The following LDB2 variants were observed in gnomAD, a reference collection of about 807,000 sequenced individuals.
LDB2 encodes LIM domain-binding protein 2.
LDB2 carries 12 observed loss-of-function variants against 44.3 expected under a neutral mutation model. The ratio of observed to expected loss-of-function variants is 0.27; its 90% CI spans 0.17 to 0.44. The LOEUF (loss-of-function observed/expected upper bound fraction) is 0.44. LDB2 is among the 20% of genes least tolerant of loss of function. The pLI is 1.00. For synonymous variants in LDB2, 164 were observed against 174.8 expected, an observed-to-expected ratio of 0.94 and a Z score of 0.49; for missense variants, 344 against 473.5, an observed-to-expected ratio of 0.73 and a Z score of 2.54.
intron 7 of LDB2, chr4:16,503,183 A>G: frequency 6.5e-7 from 1 of 1,527,972 alleles, no homozygotes; most frequent in East Asian, 2.4e-5. Flanking sequence ...CCATGCTTTC[A>G]ACTTGCCGAC....
intron 1 of LDB2, among the ~76,000 whole-genome samples, chr4:16,761,766 T>C (rs923543923): frequency 6.6e-6 from 1 of 152,142 alleles, no homozygotes; most frequent in African/African-American, 2.4e-5. Context: ...ATCAATAAAA[T>C]GCCCTTTCCC....
intron 1 of LDB2, among the ~76,000 whole-genome samples, chr4:16,825,344 T>A (rs1003575143): frequency 2.6e-5 from 4 of 152,202 alleles, no homozygotes; most frequent in Admixed American, 6.5e-5. Context: ...GAAGCTAGGG[T>A]TTTCCAGGTT....
intron 2 of LDB2, among the ~76,000 whole-genome samples, chr4:16,725,745 C>T (rs1006734236): frequency 1.3e-5 from 2 of 152,042 alleles, no homozygotes; most frequent in African/African-American, 4.8e-5. Context: ...AGTTTTCCCA[C>T]TCCTCTGCCT....
At chr4:16,581,192 G>A (rs1714263659) in intron 5 of LDB2, among the ~76,000 whole-genome samples, 1 of 152,158 alleles carries the variant, frequency 6.6e-6, no homozygotes, top group Non-Finnish European at 1.5e-5. Flanking sequence ...ATTTACAAAG[G>A]TACTTTGGTG....
intron 1 of LDB2, among the ~76,000 whole-genome samples, chr4:16,795,407 G>A (rs773230708): frequency 6.6e-6 from 1 of 152,168 alleles, no homozygotes; most frequent in Non-Finnish European, 1.5e-5. Context: ...GGTTGCATCT[G>A]AGCAAGCCCT....
intron 2 of LDB2, among the ~76,000 whole-genome samples, chr4:16,719,947 A>C (rs1757893404): frequency 6.6e-6 from 1 of 151,914 alleles, no homozygotes; most frequent in Admixed American, 6.6e-5. Context: ...AACCAACCAG[A>C]TACAGATTCT....
intron 1 of LDB2, among the ~76,000 whole-genome samples, chr4:16,836,531 T>C (rs1400945067): frequency 6.6e-6 from 1 of 152,224 alleles, no homozygotes; most frequent in East Asian, 1.9e-4. Flanking sequence ...TGCTATTTTC[T>C]ATTGATCTCT....
Position 16,857,998 on chromosome 4 carries a change from C to T in LDB2, c.132+40356G>A, listed in dbSNP as rs185243184. 3.4e-3 allele frequency among the ~76,000 whole-genome samples: 518 copies of T among 151,618 alleles called. 4 individuals are homozygous for T. The highest frequency in any genetic ancestry group is 0.012 in the African/African-American group (491 of 41,362). ...TTGACTGAATGAGCCTCAGTTTCCT[C>T]ACTTCTAAAATGGCAATAATACTGT... On this transcript the variant is annotated intron_variant, in intron 1 of 7. Transcript: ENST00000304523.
intron 2 of LDB2, among the ~76,000 whole-genome samples, chr4:16,718,280 T>C (rs1382909320): frequency 2.0e-5 from 3 of 152,070 alleles, no homozygotes; most frequent in Non-Finnish European, 2.9e-5. Context: ...GAAAATATTA[T>C]AATATATAAT....
At chr4:16,542,867 T>C (rs538700854) in intron 5 of LDB2, among the ~76,000 whole-genome samples, 7 of 152,134 alleles carry the variant, frequency 4.6e-5, no homozygotes, top group African/African-American at 1.7e-4. Context: ...GTTGGTGTGC[T>C]GCACCCATTA....
intron 2 of LDB2, among the ~76,000 whole-genome samples, chr4:16,619,425 G>A (rs184188174): frequency 6.6e-6 from 1 of 152,110 alleles, no homozygotes. Flanking sequence ...GATAATTTTG[G>A]AAAATAAATT....
intron 1 of LDB2, among the ~76,000 whole-genome samples, chr4:16,835,188 ATT>A (rs1442337960): frequency 6.6e-6 from 1 of 152,196 alleles, no homozygotes; most frequent in Non-Finnish European, 1.5e-5. Flanking sequence ...CAAGTTTACA[ATT>A]TGAGTTTTGA....
At chr4:16,698,702 C>T (rs1359635373) in intron 2 of LDB2, among the ~76,000 whole-genome samples, 4 of 152,000 alleles carry the variant, frequency 2.6e-5, no homozygotes, top group Non-Finnish European at 4.4e-5. Context: ...TCATTCTTTT[C>T]ATGTATTTAT....
At chr4:16,633,465 C>A (rs1049699439) in intron 2 of LDB2, among the ~76,000 whole-genome samples, 7 of 151,976 alleles carry the variant, frequency 4.6e-5, no homozygotes, top group Non-Finnish European at 8.8e-5. Flanking sequence ...TCCTATACAC[C>A]AATAACAGAC....
intron 2 of LDB2, among the ~76,000 whole-genome samples, chr4:16,734,130 T>C (rs899322072): frequency 1.3e-5 from 2 of 152,224 alleles, no homozygotes; most frequent in African/African-American, 4.8e-5. Context: ...TTAAATAAGA[T>C]GCTTTGTGTA....
intron 5 of LDB2, among the ~76,000 whole-genome samples, chr4:16,546,333 G>C (rs1367992351): frequency 6.6e-6 from 1 of 152,190 alleles, no homozygotes; most frequent in African/African-American, 2.4e-5. Context: ...TCTAAAATGT[G>C]AATTGGCCCC....
At chr4:16,770,926 T>C (rs1770522072) in intron 1 of LDB2, among the ~76,000 whole-genome samples, 1 of 152,134 alleles carries the variant, frequency 6.6e-6, no homozygotes, top group African/African-American at 2.4e-5. Flanking sequence ...TCACACCATC[T>C]AGGTGTGAGA....
At chr4:16,826,089 A>C (rs1258605865) in intron 1 of LDB2, among the ~76,000 whole-genome samples, 8 of 149,946 alleles carry the variant, frequency 5.3e-5, no homozygotes, top group Admixed American at 4.7e-4. Context: ...AATGGATTAT[A>C]GACTAGATAG....
intron 2 of LDB2, among the ~76,000 whole-genome samples, chr4:16,654,239 G>A (rs1739114356): frequency 6.6e-6 from 1 of 152,174 alleles, no homozygotes; most frequent in African/African-American, 2.4e-5. Context: ...CTGTATGTTT[G>A]TGAAAATAAG....
Sources: allele counts gnomAD v4.1 joint callset (sites outside exome capture counted in the v4.1 genomes callset), GRCh38; gene constraint gnomAD v4.1.1; transcripts MANE v1.5; gene names NCBI Gene and HGNC (gene_info 2026-07-23, HGNC 2026-07-21).